VTI1A: variants seen among roughly 807,000 people sequenced by gnomAD.
The protein encoded by VTI1A is vesicle transport through interaction with t-SNAREs homolog 1A.
VTI1A carries 22 observed loss-of-function variants against 34.9 expected under a neutral mutation model. That is an observed-to-expected ratio of 0.63 (90% CI 0.45 to 0.90). VTI1A has a LOEUF of 0.90. Among genes scored for constraint, VTI1A ranks in the 40% least tolerant of loss-of-function variants. The pLI is 0.00. For missense variants in VTI1A, 268 were observed against 275.6 expected (o/e 0.97, Z 0.20); for synonymous variants, 87 against 97.3 (o/e 0.89, Z 0.62).
At chr10:112,505,677 A>T (rs1230556167) in intron 3 of VTI1A, among the ~76,000 whole-genome samples, 1 of 143,468 alleles carries the variant, frequency 7.0e-6, no homozygotes, top group African/African-American at 2.5e-5. Context: ...AAATCACATA[A>T]TTTTTTTTTT....
At chr10:112,662,760 T>C (rs1374389262) in intron 5 of VTI1A, among the ~76,000 whole-genome samples, 1 of 152,166 alleles carries the variant, frequency 6.6e-6, no homozygotes, top group Non-Finnish European at 1.5e-5. Context: ...AAATATAACA[T>C]CCTGGGTTTG....
intron 5 of VTI1A, among the ~76,000 whole-genome samples, chr10:112,612,153 A>G (rs1208241933): frequency 6.6e-6 from 1 of 152,188 alleles, no homozygotes. Context: ...CTGAGGTATC[A>G]GGATTTTCAT....
At chr10:112,453,932 A>G (rs952442918) in intron 1 of VTI1A, among the ~76,000 whole-genome samples, 3 of 152,244 alleles carry the variant, frequency 2.0e-5, no homozygotes, top group African/African-American at 7.2e-5. Flanking sequence ...GAACATATCT[A>G]CAAGCATTTG....
intron 3 of VTI1A, among the ~76,000 whole-genome samples, chr10:112,497,453 AT>A (rs1849069269): frequency 6.6e-6 from 1 of 152,138 alleles, no homozygotes; most frequent in South Asian, 2.1e-4. Flanking sequence ...CAGTTTTCCT[AT>A]CTGTAAAATG....
At chr10:112,665,246 C>G (rs1222394581) in intron 5 of VTI1A, among the ~76,000 whole-genome samples, 2 of 151,728 alleles carry the variant, frequency 1.3e-5, no homozygotes, top group Non-Finnish European at 2.9e-5. Flanking sequence ...AAAATCCCCT[C>G]TAATTTGTTG....
At chr10:112,602,462 A>T (rs1167899556) in intron 5 of VTI1A, among the ~76,000 whole-genome samples, 1 of 152,244 alleles carries the variant, frequency 6.6e-6, no homozygotes, top group South Asian at 2.1e-4. Flanking sequence ...GAGACTTATC[A>T]AAGCTTTCTT....
At chr10:112,642,151 C>CCT (rs1393374720) in intron 5 of VTI1A, among the ~76,000 whole-genome samples, 5 of 152,098 alleles carry the variant, frequency 3.3e-5, no homozygotes, top group African/African-American at 1.2e-4. Flanking sequence ...GAATGTAGAC[C>CCT]GCATCTGGTT....
At chr10:112,763,807 C>T (rs181587193) in intron 7 of VTI1A, among the ~76,000 whole-genome samples, 17 of 152,306 alleles carry the variant, frequency 1.1e-4, no homozygotes, top group Admixed American at 4.6e-4. Context: ...CCTTTGACCT[C>T]TAGCCTCACC....
chr10:112,733,076 G>T (rs2419812), intron 7 of VTI1A, among the ~76,000 whole-genome samples: 17,186 of 152,184 alleles, frequency 0.11, 1,460 homozygotes, highest in East Asian at 0.27. Context: ...CTTCCCTTAG[G>T]TTTCTTTCCT....
chr10:112,742,398 C>T (rs1263995576), intron 7 of VTI1A, among the ~76,000 whole-genome samples: 1 of 152,192 alleles, frequency 6.6e-6, no homozygotes, highest in Admixed American at 6.5e-5. Context: ...CTAGCCAGGT[C>T]AGATTATCAG....
chr10:112,771,114 A>G (rs1251141506), intron 7 of VTI1A, among the ~76,000 whole-genome samples: 1 of 152,198 alleles, frequency 6.6e-6, no homozygotes, highest in Non-Finnish European at 1.5e-5. Flanking sequence ...AGGTTCACAT[A>G]TGCCCAGATT....
At chr10:112,451,077 G>C (rs1338213731) in intron 1 of VTI1A, among the ~76,000 whole-genome samples, 6 of 152,190 alleles carry the variant, frequency 3.9e-5, no homozygotes, top group African/African-American at 1.4e-4. Flanking sequence ...CTTTATGGCT[G>C]TCCTCAGAAT....
intron 5 of VTI1A, among the ~76,000 whole-genome samples, chr10:112,607,060 G>A (rs994780932): frequency 1.2e-4 from 19 of 152,114 alleles, no homozygotes; most frequent in Admixed American, 1.2e-3. Flanking sequence ...GCTGACGTGG[G>A]TGGATGACCT....
At chr10:112,465,080 T>C (rs1252515274) in intron 3 of VTI1A, among the ~76,000 whole-genome samples, 1 of 152,198 alleles carries the variant, frequency 6.6e-6, no homozygotes, top group Non-Finnish European at 1.5e-5. Flanking sequence ...TTCCCTGGGA[T>C]AAACTCCATA....
chr10:112,753,625 A>G (rs1327664728), intron 7 of VTI1A, among the ~76,000 whole-genome samples: 3 of 152,140 alleles, frequency 2.0e-5, no homozygotes, highest in Admixed American at 6.5e-5. Context: ...AAAATTAGCT[A>G]TTTTCCCCTG....
At chr10:112,822,977 C>T (rs918990698), downstream of VTI1A, among the ~76,000 whole-genome samples, 8 of 152,208 alleles carry the variant, frequency 5.3e-5, no homozygotes, top group Non-Finnish European at 8.8e-5. Context: ...AATCCTGACT[C>T]ACTCCAATCC....
chr10:112,472,981 G>GAAA (rs10660196), intron 3 of VTI1A, among the ~76,000 whole-genome samples: 67 of 148,260 alleles, frequency 4.5e-4, no homozygotes, highest in Non-Finnish European at 5.1e-4. Flanking sequence ...GAGTAAAAAA[G>GAAA]AAAAAAAAAA....
chr10:112,727,425 G>C (rs1850073646), intron 7 of VTI1A, among the ~76,000 whole-genome samples: 1 of 117,064 alleles, frequency 8.5e-6, no homozygotes, highest in Non-Finnish European at 1.6e-5. Context: ...TACCCTGCAG[G>C]GAAAAAAAAA....
At chr10:112,648,891 T>C (rs901653549) in intron 5 of VTI1A, among the ~76,000 whole-genome samples, 1 of 152,194 alleles carries the variant, frequency 6.6e-6, no homozygotes, top group African/African-American at 2.4e-5. Flanking sequence ...GTGGGTAAAA[T>C]ATATATCTAT....
Sources: allele counts gnomAD v4.1 joint callset (sites outside exome capture counted in the v4.1 genomes callset), GRCh38; gene constraint gnomAD v4.1.1; transcripts MANE v1.5; gene names NCBI Gene and HGNC (gene_info 2026-07-23, HGNC 2026-07-21).